CREBBP: variants seen among roughly 807,000 people sequenced by gnomAD.
CREBBP encodes the protein CREB binding lysine acetyltransferase.
In CREBBP, 19 loss-of-function variants were observed where a neutral mutation model predicts 265.0. The ratio of observed to expected loss-of-function variants is 0.07; its 90% CI spans 0.05 to 0.11. The LOEUF (loss-of-function observed/expected upper bound fraction) is 0.11, where lower values mean the gene tolerates loss of function less well. Among genes scored for constraint, CREBBP ranks in the 10% least tolerant of loss-of-function variants. The probability of loss-of-function intolerance (pLI) is 1.00; values close to 1 mark genes in which losing one functional copy is unlikely to be tolerated. For synonymous variants in CREBBP, 1,457 were observed against 1,223.7 expected, an observed-to-expected ratio of 1.19 and a Z score of -3.98; for missense variants, 2,525 against 3,219.0, an observed-to-expected ratio of 0.78 and a Z score of 5.22.
chr16:3,753,001 G>A (rs1162931163), intron 19 of CREBBP, among the ~76,000 whole-genome samples: 1 of 152,214 alleles, frequency 6.6e-6, no homozygotes, highest in Non-Finnish European at 1.5e-5. Flanking sequence ...ACAAGCGGGT[G>A]GAGGTGGATC....
intron 3 of CREBBP, among the ~76,000 whole-genome samples, chr16:3,797,042 T>C (rs2053621482): frequency 6.6e-6 from 1 of 152,168 alleles, no homozygotes; most frequent in Non-Finnish European, 1.5e-5. Context: ...CCATGAGAGT[T>C]AGATGTGAAC....
intron 1 of CREBBP, among the ~76,000 whole-genome samples, chr16:3,871,304 C>T (rs2055294853): frequency 6.6e-6 from 1 of 152,134 alleles, no homozygotes; most frequent in East Asian, 1.9e-4. Flanking sequence ...GGAGCTGGGA[C>T]TCACAGTCTA....
At chr16:3,743,460 C>A in intron 23 of CREBBP, 1 of 152,420 alleles carries the variant, frequency 6.6e-6, no homozygotes. Flanking sequence ...CTTCCTCCTC[C>A]CCTTCCCCCA....
chr16:3,731,150 CCCCAGG>C lies in CREBBP; in HGVS notation c.5172+36_5172+41del, dbSNP rs750004630. On this transcript the variant is annotated intron_variant, in intron 30 of 30. Coordinates refer to ENST00000262367, the MANE Select transcript of CREBBP (RefSeq NM_004380.3). This position sits in a 1 kb window ranked among gnomAD's most constrained non-coding sequence, Gnocchi z 7.7. ...CAAAGGGACAGGATGCTTCGTCAGA[CCCCAGG>C]CCGGCTGTGGGGGTGGGGGTGGGGG... 8 of 1,597,358 alleles carry C rather than the reference CCCCAGG, an allele frequency of 5.0e-6. No individual in the cohort carries two copies. In the Admixed American group the frequency reaches 8.4e-5, roughly 17 times the overall value.
At chr16:3,835,784 G>A (rs930683987) in intron 2 of CREBBP, among the ~76,000 whole-genome samples, 3 of 151,560 alleles carry the variant, frequency 2.0e-5, no homozygotes, top group African/African-American at 7.3e-5. Context: ...GTTTCACCAC[G>A]TTAGCCAGGA....
intron 10 of CREBBP, 98 bp from the exon 11 acceptor site, chr16:3,777,755 TAAAAGGGAAAAC>T: frequency 6.9e-7 from 1 of 1,446,132 alleles, no homozygotes; most frequent in South Asian, 1.2e-5. Flanking sequence ...ACTTCAAACT[TAAAAGGGAAAAC>T]AGCCAATAGG....
chr16:3,780,963 G>A, intron 7 of CREBBP, 85 bp from the exon 8 acceptor site: 2 of 1,512,920 alleles, frequency 1.3e-6, no homozygotes, highest in Middle Eastern at 2.3e-4. Context: ...GCCACCACAT[G>A]TGACTTTTAA....
At chr16:3,758,580 T>A (rs1020862228) in intron 17 of CREBBP, among the ~76,000 whole-genome samples, 2 of 152,190 alleles carry the variant, frequency 1.3e-5, no homozygotes, top group African/African-American at 4.8e-5. Context: ...CAGACAAAAG[T>A]GACACAAGGC....
chr16:3,737,051 G>C, intron 26 of CREBBP: 1 of 585,560 alleles, frequency 1.7e-6, no homozygotes, highest in Middle Eastern at 4.6e-4. Context: ...CACAGGGCAG[G>C]GCCGAGGCTG....
At chr16:3,833,174 A>G (rs1032236600) in intron 2 of CREBBP, among the ~76,000 whole-genome samples, 8 of 152,202 alleles carry the variant, frequency 5.3e-5, no homozygotes, top group Non-Finnish European at 1.2e-4. Context: ...GCACTTTGGG[A>G]GGCTGAGATG....
chr16:3,803,883 C>T (rs2053775955), intron 3 of CREBBP, among the ~76,000 whole-genome samples: 1 of 151,920 alleles, frequency 6.6e-6, no homozygotes, highest in Non-Finnish European at 1.5e-5. Context: ...GAGTTTGAGA[C>T]CAGCCTCAGC....
At chr16:3,867,141 T>C (rs1328644026) in intron 1 of CREBBP, among the ~76,000 whole-genome samples, 3 of 152,136 alleles carry the variant, frequency 2.0e-5, no homozygotes, top group Non-Finnish European at 4.4e-5. Flanking sequence ...AGGTGGGTAA[T>C]AAAAACCAGA....
chr16:3,768,139 T>G (rs1019570793), intron 15 of CREBBP, among the ~76,000 whole-genome samples: 7 of 91,988 alleles, frequency 7.6e-5, no homozygotes, highest in Non-Finnish European at 1.2e-4. Flanking sequence ...TAAAAGTGTT[T>G]TTTTTTTTTT....
chr16:3,801,705 CCTTGGGAAGA>C (rs2053717356), intron 3 of CREBBP, among the ~76,000 whole-genome samples: 1 of 152,110 alleles, frequency 6.6e-6, no homozygotes, highest in Non-Finnish European at 1.5e-5. Context: ...CAGTCCCTAG[CCTTGGGAAGA>C]TGGTGTGATG....
chr16:3,725,450 T>TAGCCCCACTTCTTGTTTGAACAC lies in CREBBP; in HGVS notation c.*2245_*2267dup, dbSNP rs1326597463. 1.4e-4 allele frequency: 33 copies of TAGCCCCACTTCTTGTTTGAACAC among 233,196 alleles called. No homozygotes were observed. The highest frequency in any genetic ancestry group is 2.5e-4 in the Non-Finnish European group (29 of 118,054). 14.4% of individuals were successfully genotyped at this position (233,196 alleles called of 1,614,324 possible). A position where few individuals can be genotyped will look rare whatever the true frequency, so the allele number is the denominator to read the frequency against. ...GCTTAGAGCTGCTGCTCTCGGGCTC[T>TAGCCCCACTTCTTGTTTGAACAC]AGCCCCACTTCTTGTTTGAACACAT... On this transcript the variant is annotated 3_prime_UTR_variant, in exon 31 of 31. Transcript: ENST00000262367.
intron 2 of CREBBP, 76 bp downstream of exon 2, chr16:3,850,219 TGG>T: frequency 6.9e-7 from 1 of 1,449,490 alleles, no homozygotes; most frequent in Non-Finnish European, 9.7e-7. Context: ...GTGGGCCACG[TGG>T]TCCCATTTTA....
rs2151300452 is a variant in CREBBP, at chr16:3,728,118, T to C, written c.6929A>G (p.Gln2310Arg). The C allele has an allele frequency of 1.9e-6, 3 of 1,614,176 alleles. No homozygotes were observed. Among genetic ancestry groups the C allele is most frequent in the Non-Finnish European group, 2.5e-6 (3 of 1,180,026 alleles). ...TTGCTGGGGGCTCATGGGGTTCGGC[T>C]GGCCTGGGGACCCAATCTGCTGCTT... ...QMKQQIGSPG[Q>R]PNPMSPQQHM... The change falls in exon 31 of 31, where the codon CAG becomes CGG. Residue 2310 changes from glutamine (Q) to arginine (R), a missense_variant. Around this residue, in one of 19 missense-constraint regions of CREBBP, gnomAD observed 473 missense variants for 459.3 expected, o/e 1.03. Transcript: ENST00000262367. This position sits in a 1 kb window ranked among gnomAD's most constrained non-coding sequence, Gnocchi z 8.7.
At position 3,727,007 on chromosome 16, in the gene CREBBP, T is replaced by G. The variant is rs986311564; in HGVS notation, c.*711A>C. 4.3e-6 allele frequency: 1 copy of G among 233,732 alleles called. No homozygotes were observed. The highest frequency in any genetic ancestry group is 8.5e-6 in the Non-Finnish European group (1 of 118,052). The allele number at this position is 233,732 out of a possible 1,614,324, so 14.5% of individuals were successfully genotyped here. A position where few individuals can be genotyped will look rare whatever the true frequency, so the allele number is the denominator to read the frequency against. On this transcript the variant is annotated 3_prime_UTR_variant, in exon 31 of 31. Transcript: ENST00000262367. ...AGAAGAAAGAAAAGAAGGCTTCTTC[T>G]CTAGTAACATTAGCATGGTCTAAGA...
chr16:3,851,831 G>A (rs1439111625), intron 1 of CREBBP, among the ~76,000 whole-genome samples: 3 of 125,078 alleles, frequency 2.4e-5, no homozygotes, highest in East Asian at 2.3e-4. Context: ...TCCGCAGTCC[G>A]ACCTGGGCGA....
Sources: gnomAD v4.1 joint callset for allele counts (sites outside exome capture counted in the v4.1 genomes callset) on GRCh38, gnomAD v4.1.1 for gene constraint, gnomAD v4.1.1 regional missense constraint, Gnocchi (gnomAD v3.1) non-coding constraint, MANE v1.5 for transcripts, NCBI Gene and HGNC (gene_info 2026-07-23, HGNC 2026-07-21) for gene names.